Variants in LRPAP1 observed in about 807,000 individuals in gnomAD.
LRPAP1 encodes alpha-2-macroglobulin receptor-associated protein.
In LRPAP1, 41 loss-of-function variants were observed where a neutral mutation model predicts 39.9. That is an observed-to-expected ratio of 1.03 (90% CI 0.80 to 1.33). The LOEUF (loss-of-function observed/expected upper bound fraction) is 1.33. Ranked by LOEUF, LRPAP1 falls within the 40% of genes most tolerant of loss-of-function variation. The pLI is 0.00. For synonymous variants in LRPAP1, 263 were observed against 212.7 expected, an observed-to-expected ratio of 1.24 and a Z score of -2.06; for missense variants, 565 against 482.3, an observed-to-expected ratio of 1.17 and a Z score of -1.61.
At chr4:3,528,977 A>G (rs894940729) in intron 1 of LRPAP1, among the ~76,000 whole-genome samples, 6 of 152,044 alleles carry the variant, frequency 3.9e-5, no homozygotes, top group Non-Finnish European at 7.4e-5. Flanking sequence ...ACCTCTGAGA[A>G]CAAGATGCTT....
In LRPAP1 at chr4:3,514,747, C is replaced by A. The variant is rs759107754; in HGVS notation, c.1011+5G>T. The A allele has an allele frequency of 2.5e-6, 4 of 1,596,222 alleles. No individual in the cohort carries two copies. The highest frequency in any genetic ancestry group is 2.6e-6 in the Non-Finnish European group (3 of 1,171,228). The stretch of plus-strand genomic sequence containing the variant: ...GGCCTCCCCGGTCCTGGAACCCGTG[C>A]GCACCGTGTAGCCCAGCTCCTTGGT... On this transcript the variant is annotated splice_donor_5th_base_variant and intron_variant, in intron 7 of 7. Transcript: ENST00000650182.
intron 1 of LRPAP1, 119 bp from the exon 2 acceptor site, chr4:3,525,170 G>C (rs760859735): frequency 5.3e-6 from 6 of 1,139,978 alleles, no homozygotes; most frequent in African/African-American, 1.5e-5. Context: ...AAGAGGTGGA[G>C]TCAGGGTCAC....
chr4:3,518,913 G>C lies in LRPAP1; in HGVS notation c.550C>G (p.His184Asp), dbSNP rs758892723. 2.5e-6 allele frequency: 4 copies of C among 1,613,808 alleles called. No homozygotes were observed. The highest frequency in any genetic ancestry group is 3.4e-6 in the Non-Finnish European group (4 of 1,179,952). The change falls in exon 4 of 8, where the codon CAC (histidine) becomes GAC (aspartate). Residue 184 changes from histidine (H) to aspartate (D), a missense_variant. His to Asp is a moderately conservative substitution (Grantham distance 81, BLOSUM62 -1). Coordinates refer to ENST00000650182, the MANE Select transcript of LRPAP1 (RefSeq NM_002337.4). ...GTCTCCAGCAGGACGTTGTACTCGT[G>C]AACTTTCTCTTTGTGATGCAGGAAC... Reference protein sequence around the residue: ...REFLHHKEKVHEYNVLLETLS... With the variant: ...REFLHHKEKVDEYNVLLETLS...
intron 2 of LRPAP1, among the ~76,000 whole-genome samples, chr4:3,524,408 G>A (rs1230692854): frequency 1.3e-5 from 2 of 152,226 alleles, no homozygotes; most frequent in Non-Finnish European, 2.9e-5. Flanking sequence ...TGCTAGGGCA[G>A]ACCTGCTTCC....
chr4:3,531,897 C>G (rs1730265852), intron 1 of LRPAP1: 2 of 455,004 alleles, frequency 4.4e-6, no homozygotes, highest in East Asian at 8.0e-5. Context: ...GACCTGTGAT[C>G]TAGCCTGGTT....
chr4:3,516,294 A>G (rs551383441), intron 5 of LRPAP1, 96 bp from the exon 6 acceptor site: 4 of 933,980 alleles, frequency 4.3e-6, no homozygotes, highest in Middle Eastern at 2.5e-4. Flanking sequence ...GGAGCCTATG[A>G]GGGTTTGCAG....
chr4:3,515,976 T>C, intron 6 of LRPAP1, 140 bp downstream of exon 6: 4 of 809,618 alleles, frequency 4.9e-6, no homozygotes, highest in Non-Finnish European at 7.9e-6. Flanking sequence ...GCAAGCAGGT[T>C]CACCGAGTGG....
intron 1 of LRPAP1, 29 bp downstream of exon 1, chr4:3,532,180 C>T (rs745345303): frequency 8.4e-6 from 10 of 1,189,506 alleles, no homozygotes; most frequent in Non-Finnish European, 4.6e-6. Flanking sequence ...CCCCCAGGCC[C>T]CGCTCCACCG....
At chr4:3,531,057 A>C (rs73197159) in intron 1 of LRPAP1, among the ~76,000 whole-genome samples, 2,868 of 151,490 alleles carry the variant, frequency 0.019, 42 homozygotes, top group Middle Eastern at 0.079. Flanking sequence ...ACACATCCAA[A>C]CCCAGCCGTG....
intron 1 of LRPAP1, among the ~76,000 whole-genome samples, chr4:3,529,722 A>T (rs911508874): frequency 2.0e-5 from 3 of 152,230 alleles, no homozygotes; most frequent in Non-Finnish European, 4.4e-5. Flanking sequence ...AGCGGGTCTC[A>T]GCATCTTCTT....
At chr4:3,530,420 T>TC (rs1343715321) in intron 1 of LRPAP1, among the ~76,000 whole-genome samples, 2 of 151,920 alleles carry the variant, frequency 1.3e-5, no homozygotes, top group Non-Finnish European at 2.9e-5. Flanking sequence ...ACACACAAAA[T>TC]CCCCCAAAAC....
rs1197717859 is a variant in LRPAP1 at position 3,507,707 on chromosome 4, A to G, written c.*5267T>C. 1 of 152,204 alleles carries G rather than the reference A, an allele frequency of 6.6e-6. No individual in the cohort carries two copies. The highest frequency in any genetic ancestry group is 1.5e-5 in the Non-Finnish European group (1 of 68,042). The allele number at this position is 152,204 out of a possible 1,614,324, so 9.4% of individuals were successfully genotyped here. ...AATTGAACACAAAATAGGTAGAAGA[A>G]AGGAAATTCATAAGAAAAGAGCAAA... On this transcript the variant is annotated 3_prime_UTR_variant, in exon 8 of 8. Coordinates refer to ENST00000650182, the MANE Select transcript of LRPAP1 (RefSeq NM_002337.4).
At chr4:3,518,749 C>T (rs1338163580) in intron 4 of LRPAP1, 122 bp downstream of exon 4, 11 of 652,174 alleles carry the variant, frequency 1.7e-5, no homozygotes, top group Middle Eastern at 4.2e-4. Context: ...CCTCCCTGCC[C>T]CTGCTGTGTT....
rs1729387993 is a variant in LRPAP1, at chr4:3,507,480, T to TCA, written c.*5493_*5494insTG. 1.4e-5 allele frequency: 1 copy of TCA among 70,990 alleles called. No homozygotes were observed. Among genetic ancestry groups the TCA allele is most frequent in the Non-Finnish European group, 3.0e-5 (1 of 33,892 alleles). 4.4% of individuals were successfully genotyped at this position (70,990 alleles called of 1,614,324 possible). On this transcript the variant is annotated 3_prime_UTR_variant, in exon 8 of 8. Transcript: ENST00000650182. The stretch of plus-strand genomic sequence containing the variant: ...TATTATTTACCTACATATCATATAT[T>TCA]TATACATTATCATCTGCGAATTACT...
At chr4:3,524,200 G>A (rs991839999) in intron 2 of LRPAP1, among the ~76,000 whole-genome samples, 4 of 152,324 alleles carry the variant, frequency 2.6e-5, no homozygotes, top group Admixed American at 2.0e-4. Flanking sequence ...GAGGAGAGGG[G>A]TCCAAAAGGA....
intron 1 of LRPAP1, among the ~76,000 whole-genome samples, chr4:3,528,278 G>C (rs533160608): frequency 1.4e-4 from 22 of 152,358 alleles, no homozygotes; most frequent in African/African-American, 4.8e-4. Flanking sequence ...AGGCAAGAAA[G>C]CCGGCTCAGC....
chr4:3,524,122 G>A (rs1405330791), intron 2 of LRPAP1, among the ~76,000 whole-genome samples: 1 of 152,168 alleles, frequency 6.6e-6, no homozygotes. Context: ...AGTCCCACGG[G>A]CCCACCTGGT....
At chr4:3,517,984 C>T (rs1343861631) in intron 5 of LRPAP1, 50 bp downstream of exon 5, 1 of 1,543,572 alleles carries the variant, frequency 6.5e-7, no homozygotes, top group African/African-American at 1.4e-5. Context: ...CAAAACACAA[C>T]CAGAGACGGC....
In LRPAP1 at chr4:3,512,668, G is replaced by A. The variant is rs955513900; in HGVS notation, c.*306C>T. 10 of 408,072 alleles carry A rather than the reference G, an allele frequency of 2.5e-5. No homozygotes were observed. The highest frequency in any genetic ancestry group is 4.0e-5 in the Non-Finnish European group (9 of 226,220). The allele number at this position is 408,072 out of a possible 1,614,324, so 25.3% of individuals were successfully genotyped here. A position where few individuals can be genotyped will look rare whatever the true frequency, so the allele number is the denominator to read the frequency against. ...TGTAAATCGTGTTGTTTTAGCAGAGGACTATCAGACCTGACAGCAGCTGGA... is the reference window on the plus strand; with the variant it reads ...TGTAAATCGTGTTGTTTTAGCAGAGAACTATCAGACCTGACAGCAGCTGGA... On this transcript the variant is annotated 3_prime_UTR_variant, in exon 8 of 8. Coordinates refer to ENST00000650182, the MANE Select transcript of LRPAP1 (RefSeq NM_002337.4).
Sources: allele counts gnomAD v4.1 joint callset (sites outside exome capture counted in the v4.1 genomes callset), GRCh38; gene constraint gnomAD v4.1.1; transcripts MANE v1.5; gene names NCBI Gene and HGNC (gene_info 2026-07-23, HGNC 2026-07-21).